The following ANKRD13A variants were observed in gnomAD, a reference collection of about 807,000 sequenced individuals.
ANKRD13A encodes ankyrin repeat domain-containing protein 13A.
Under a neutral mutation model 81.3 loss-of-function variants are expected in ANKRD13A, and 48 were observed. That is an observed-to-expected ratio of 0.59 (90% CI 0.47 to 0.75). The LOEUF (loss-of-function observed/expected upper bound fraction) is 0.75, where lower values mean the gene tolerates loss of function less well. Ranked by LOEUF, ANKRD13A falls within the 30% of genes least tolerant of loss-of-function variation. The pLI is 0.00. For missense variants in ANKRD13A, 612 were observed against 734.0 expected, an observed-to-expected ratio of 0.83 and a Z score of 1.92; for synonymous variants, 230 against 270.1, an observed-to-expected ratio of 0.85 and a Z score of 1.45.
chr12:110,033,258 T>G (rs568956439), intron 12 of ANKRD13A, among the ~76,000 whole-genome samples: 1 of 150,986 alleles, frequency 6.6e-6, no homozygotes, highest in East Asian at 1.9e-4. Flanking sequence ...GAGACGGGGT[T>G]TCACCATGTT....
At chr12:110,035,445 ATTT>A (rs112223294) in intron 13 of ANKRD13A, among the ~76,000 whole-genome samples, 8 of 146,192 alleles carry the variant, frequency 5.5e-5, no homozygotes, top group South Asian at 2.2e-4. Context: ...TATCTACCAA[ATTT>A]TTTTTTTTTT....
Position 110,037,792 on chromosome 12 carries a change from C to T in ANKRD13A, c.*238C>T. On this transcript the variant is annotated 3_prime_UTR_variant, in exon 15 of 15. Coordinates refer to ENST00000261739, the MANE Select transcript of ANKRD13A (RefSeq NM_033121.2). ...CATCTCCAGGCTAAGGGGAGGAGAGCATCATCACTTTCCATTAGCTGTATT... is the reference window on the plus strand; with the variant it reads ...CATCTCCAGGCTAAGGGGAGGAGAGTATCATCACTTTCCATTAGCTGTATT... The T allele has an allele frequency of 2.5e-6, 1 of 405,826 alleles. No homozygotes were observed. The highest frequency in any genetic ancestry group is 4.4e-6 in the Non-Finnish European group (1 of 225,530). The allele number at this position is 405,826 out of a possible 1,614,324, so 25.1% of individuals were successfully genotyped here.
intron 3 of ANKRD13A, 98 bp from the exon 4 acceptor site, chr12:110,016,290 T>A: frequency 1.1e-6 from 1 of 909,096 alleles, no homozygotes; most frequent in Non-Finnish European, 1.6e-6. Context: ...CTTTTTTTTT[T>A]TTTTAACCCA....
chr12:110,027,835 C>A, intron 9 of ANKRD13A, 69 bp downstream of exon 9: 1 of 1,514,954 alleles, frequency 6.6e-7, no homozygotes, highest in Non-Finnish European at 9.2e-7. Context: ...TCTGGGATGG[C>A]ATTTACTGGA....
intron 1 of ANKRD13A, 150 bp from the exon 2 acceptor site, chr12:110,011,855 C>T: frequency 1.5e-6 from 1 of 684,802 alleles, no homozygotes; most frequent in Non-Finnish European, 2.3e-6. Flanking sequence ...TTTAACTGTG[C>T]CCAAATGCAA....
rs1345730115 is a variant in ANKRD13A, at chr12:110,016,266, T to C, written c.355-122T>C. On this transcript the variant is annotated intron_variant, in intron 3 of 14. Transcript: ENST00000261739. ...CCCGGCTAGGGGCTTACATTTTATT[T>C]CTTCTTATTTTCTCTTTTTTTTTTT... 5.3e-6 allele frequency: 4 copies of C among 755,256 alleles called. No homozygotes were observed. The African/African-American group carries it at 5.3e-5, about 10-fold the overall frequency. The allele number at this position is 755,256 out of a possible 1,614,324, so 46.8% of individuals were successfully genotyped here.
At position 110,019,244 on chromosome 12, in the gene ANKRD13A, A is replaced by C; in HGVS notation, c.650A>C (p.Lys217Thr). The change falls in exon 6 of 15, where the codon AAG (lysine) becomes ACG (threonine). Residue 217 changes from lysine (K) to threonine (T), a missense_variant. Transcript: ENST00000261739. ...EMERLTLDLM[K>T]PKSREVERRL... Reference sequence around the variant, plus strand: ...GAGCGCCTCACTCTGGACTTGATGAAGCCAAAAAGCAGGGAAGTTGAGCGG... The same window carrying C: ...GAGCGCCTCACTCTGGACTTGATGACGCCAAAAAGCAGGGAAGTTGAGCGG... 1 of 1,614,166 alleles carries C rather than the reference A, an allele frequency of 6.2e-7. No individual in the cohort carries two copies. The highest frequency in any genetic ancestry group is 8.5e-7 in the Non-Finnish European group (1 of 1,179,992).
intron 6 of ANKRD13A, chr12:110,023,801 A>G: frequency 4.8e-6 from 2 of 414,794 alleles, no homozygotes; most frequent in Non-Finnish European, 8.7e-6. Flanking sequence ...AGTTTTGTAA[A>G]GAAGCCAAGA....
intron 3 of ANKRD13A, among the ~76,000 whole-genome samples, chr12:110,013,817 A>G (rs558494002): frequency 6.6e-6 from 1 of 151,878 alleles, no homozygotes; most frequent in African/African-American, 2.4e-5. Flanking sequence ...ATAATAATAA[A>G]TGATAATAAA....
In ANKRD13A at chr12:110,018,396, G is replaced by A. The variant is rs370163748; in HGVS notation, c.452G>A (p.Ser151Asn). Residue 151 changes from serine to asparagine, a missense_variant, in exon 5 of 15, where the codon AGT becomes AAT. By Grantham distance (46) the Ser-to-Asn change is conservative. Transcript: ENST00000261739. The surrounding 1 kb of genome is among the most constrained non-coding windows in gnomAD (Gnocchi z 4.4). ...AATGATGTCTGTCGCATCTGGAAAA[G>A]TGGTGCCAAACTGCGCGTCGATATC... ...CPNDVCRIWK[S>N]GAKLRVDITL... The A allele has an allele frequency of 2.1e-4, 342 of 1,614,012 alleles. No individual in the cohort carries two copies. The highest frequency in any genetic ancestry group is 1.8e-4 in the Non-Finnish European group (216 of 1,180,018).
chr12:110,019,387 A>G (rs1376542354), intron 6 of ANKRD13A, 59 bp downstream of exon 6: 22 of 1,457,176 alleles, frequency 1.5e-5, no homozygotes, highest in Non-Finnish European at 2.0e-5. Context: ...CTTGAGTGAC[A>G]TGTATGTATT....
At chr12:110,030,881 G>C (rs1005323652) in intron 12 of ANKRD13A, 123 bp downstream of exon 12, 11 of 406,768 alleles carry the variant, frequency 2.7e-5, no homozygotes, top group Non-Finnish European at 4.3e-5. Context: ...GATCACCTGA[G>C]GTCGGGAGTT....
At chr12:110,016,325 C>A in intron 3 of ANKRD13A, 63 bp from the exon 4 acceptor site, 1 of 1,277,322 alleles carries the variant, frequency 7.8e-7, no homozygotes, top group Non-Finnish European at 1.1e-6. Flanking sequence ...CCTGTTAACC[C>A]CTGCTTATGT....
intron 3 of ANKRD13A, 102 bp downstream of exon 3, chr12:110,013,351 T>A (rs1319195588): frequency 2.1e-6 from 3 of 1,411,400 alleles, no homozygotes; most frequent in African/African-American, 2.9e-5. Flanking sequence ...AAGAGTTTTC[T>A]GATTCGTGAA....
At chr12:110,023,455 C>T (rs1891172844) in intron 6 of ANKRD13A, among the ~76,000 whole-genome samples, 1 of 152,182 alleles carries the variant, frequency 6.6e-6, no homozygotes, top group South Asian at 2.1e-4. Flanking sequence ...ATCCTTTGCC[C>T]TGCTGCACCA....
rs368306678 is a variant in ANKRD13A at position 110,028,683 on chromosome 12, TC to T, written c.1076+42del. On this transcript the variant is annotated intron_variant, in intron 10 of 14. Coordinates refer to ENST00000261739, the MANE Select transcript of ANKRD13A (RefSeq NM_033121.2). ...CTGCCATTTTCAACCTATGTATGTT[TC>T]AGAAATTGTGCTGTTTTATGGTGTT... The T allele has an allele frequency of 3.2e-3, 5,223 of 1,612,848 alleles. 66 individuals are homozygous for T. Among genetic ancestry groups the T allele is most frequent in the South Asian group, 0.021 (1,946 of 90,974 alleles).
rs754182669 is a variant in ANKRD13A at position 109,999,768 on chromosome 12, A to G, written c.80A>G (p.Lys27Arg). Residue 27 changes from lysine (K) to arginine (R), a missense_variant, in exon 1 of 15, where the codon AAG becomes AGG. Physicochemically the swap from Lys to Arg is conservative, Grantham distance 26 (BLOSUM62 2). Transcript: ENST00000261739. This position sits in a 1 kb window ranked among gnomAD's most constrained non-coding sequence, Gnocchi z 4.3. The stretch of plus-strand genomic sequence containing the variant: ...AAAAACGACTACCGGCAGCTCGAGA[A>G]GGAGCTGCAGGGCCAGGTGAGGGGC... ...VWKNDYRQLE[K>R]ELQGQNVEAV... is the part of the protein sequence containing the mutation. 8 of 1,529,374 alleles carry G rather than the reference A, an allele frequency of 5.2e-6. No individual in the cohort carries two copies. The South Asian group carries it at 9.8e-5, about 19-fold the overall frequency. 94.7% of individuals were successfully genotyped at this position (1,529,374 alleles called of 1,614,324 possible). A position where few individuals can be genotyped will look rare whatever the true frequency, so the allele number is the denominator to read the frequency against.
In ANKRD13A at chr12:110,018,118, T is replaced by G. The variant is rs1890884301; in HGVS notation, c.401-227T>G. On this transcript the variant is annotated intron_variant, in intron 4 of 14. Coordinates refer to ENST00000261739, the MANE Select transcript of ANKRD13A (RefSeq NM_033121.2). This position sits in a 1 kb window ranked among gnomAD's most constrained non-coding sequence, Gnocchi z 4.4. ...GCTCATTTCAGGATCAAGAATACTC[T>G]TGGGAAATTTATTTAGACTTTTTTT... Among the ~76,000 whole-genome samples the G allele has an allele frequency of 6.6e-6, 1 of 152,166 alleles. No homozygotes were observed. Among genetic ancestry groups the G allele is most frequent in the African/African-American group, 2.4e-5 (1 of 41,428 alleles).
intron 12 of ANKRD13A, among the ~76,000 whole-genome samples, chr12:110,031,856 T>TA (rs1891710852): frequency 6.6e-6 from 1 of 152,000 alleles, no homozygotes; most frequent in African/African-American, 2.4e-5. Context: ...GAATCGTTTT[T>TA]AAAAATTTTT....
Sources: gnomAD v4.1 joint callset for allele counts (sites outside exome capture counted in the v4.1 genomes callset) on GRCh38, gnomAD v4.1.1 for gene constraint, Gnocchi (gnomAD v3.1) non-coding constraint, MANE v1.5 for transcripts, NCBI Gene and HGNC (gene_info 2026-07-23, HGNC 2026-07-21) for gene names.